Variants in SIK3 observed in about 807,000 individuals in gnomAD.
SIK3 encodes the protein SIK family kinase 3.
A neutral mutation model predicts 144.2 loss-of-function variants in SIK3; 28 were observed. That is an observed-to-expected ratio of 0.19 (90% confidence interval 0.14 to 0.27). The LOEUF is 0.27. SIK3 is among the 10% of genes least tolerant of loss of function. SIK3 has a pLI of 1.00. For missense variants in SIK3, 1,319 were observed against 1,776.0 expected, an observed-to-expected ratio of 0.74 and a Z score of 4.62; for synonymous variants, 686 against 676.3, an observed-to-expected ratio of 1.01 and a Z score of -0.22.
At chr11:117,010,963 T>C (rs895971675) in intron 1 of SIK3, among the ~76,000 whole-genome samples, 2 of 151,922 alleles carry the variant, frequency 1.3e-5, no homozygotes, top group South Asian at 4.2e-4. Context: ...CTCCAAAAGC[T>C]ACAAAAATCA....
At chr11:116,927,843 G>A (rs1947360378) in intron 3 of SIK3, among the ~76,000 whole-genome samples, 1 of 151,910 alleles carries the variant, frequency 6.6e-6, no homozygotes, top group Non-Finnish European at 1.5e-5. Flanking sequence ...CTGCTAGGGG[G>A]AGAAAACTCC....
chr11:117,075,841 T>A (rs1338043243), intron 1 of SIK3, among the ~76,000 whole-genome samples: 1 of 74,794 alleles, frequency 1.3e-5, no homozygotes, highest in Admixed American at 1.3e-4. Context: ...CAAGCCTGGC[T>A]TTTTTTTTTT....
intron 1 of SIK3, among the ~76,000 whole-genome samples, chr11:117,029,657 T>C (rs1414512086): frequency 6.6e-6 from 1 of 152,054 alleles, no homozygotes; most frequent in East Asian, 1.9e-4. Context: ...TAAAATGTAA[T>C]GATTGACCAG....
intron 6 of SIK3, among the ~76,000 whole-genome samples, chr11:116,885,981 T>C (rs1016177078): frequency 6.6e-6 from 1 of 152,254 alleles, no homozygotes; most frequent in Non-Finnish European, 1.5e-5. Context: ...TCAATAAATG[T>C]TGACTATTAT....
At chr11:116,868,162 G>A in intron 14 of SIK3, 73 bp from the exon 15 acceptor site, 1 of 1,536,650 alleles carries the variant, frequency 6.5e-7, no homozygotes, top group Non-Finnish European at 8.8e-7. Context: ...AGCATTAGAA[G>A]TTAATCCAAA....
At chr11:116,945,380 CTTTTTTTTTTT>C (rs35915801) in intron 3 of SIK3, among the ~76,000 whole-genome samples, 2 of 95,406 alleles carry the variant, frequency 2.1e-5, no homozygotes, top group African/African-American at 4.2e-5. Flanking sequence ...TTCATGAATT[CTTTTTTTTTTT>C]TTTTTTTTTT....
chr11:116,893,526 T>C (rs1945242718), intron 6 of SIK3, among the ~76,000 whole-genome samples: 1 of 149,752 alleles, frequency 6.7e-6, no homozygotes, highest in Non-Finnish European at 1.5e-5. Flanking sequence ...AAAAAAAAAA[T>C]TAGTCAGGCA....
chr11:117,043,039 C>A (rs554063755), intron 1 of SIK3, among the ~76,000 whole-genome samples: 2 of 152,144 alleles, frequency 1.3e-5, no homozygotes, highest in South Asian at 4.1e-4. Context: ...AATCTTTTTT[C>A]TTCTTTTAAA....
At chr11:116,891,413 C>T (rs909343071) in intron 6 of SIK3, among the ~76,000 whole-genome samples, 2 of 152,180 alleles carry the variant, frequency 1.3e-5, no homozygotes, top group Non-Finnish European at 1.5e-5. Flanking sequence ...CCCAGGAGTT[C>T]GAGTTCAGTC....
intron 1 of SIK3, among the ~76,000 whole-genome samples, chr11:117,052,082 C>A (rs528158972): frequency 6.6e-6 from 1 of 151,918 alleles, no homozygotes; most frequent in Non-Finnish European, 1.5e-5. Context: ...GCGGAAGTTG[C>A]AGTTTGCAAG....
Position 116,849,729 on chromosome 11 carries a change from C to CT in SIK3, c.3656-447dup, listed in dbSNP as rs1942282857. ...CTGCTACTCTCCTCTTTCTACTTCTCTAACTGCTGCTTCTGACTCCTTTGA... is the reference window on the plus strand; with the variant it reads ...CTGCTACTCTCCTCTTTCTACTTCTCTTAACTGCTGCTTCTGACTCCTTTGA... On this transcript the variant is annotated intron_variant, in intron 21 of 24. Coordinates refer to ENST00000445177, the MANE Select transcript of SIK3 (RefSeq NM_001366686.3). The surrounding 1 kb of genome is among the most constrained non-coding windows in gnomAD (Gnocchi z 4.2). Among the ~76,000 whole-genome samples the CT allele has an allele frequency of 6.6e-6, 1 of 152,150 alleles. No individual in the cohort carries two copies. The highest frequency in any genetic ancestry group is 1.5e-5 in the Non-Finnish European group (1 of 68,030).
chr11:117,048,466 G>A (rs1159621123), intron 1 of SIK3, among the ~76,000 whole-genome samples: 1 of 152,054 alleles, frequency 6.6e-6, no homozygotes, highest in African/African-American at 2.4e-5. Context: ...AGACCAGCCT[G>A]ACCAACATGG....
At chr11:117,061,117 C>T (rs1953771776) in intron 1 of SIK3, among the ~76,000 whole-genome samples, 1 of 152,048 alleles carries the variant, frequency 6.6e-6, no homozygotes, top group Non-Finnish European at 1.5e-5. Flanking sequence ...CATGGTGGCA[C>T]ACACCGGTAG....
chr11:116,855,008 C>T (rs1942765370), intron 21 of SIK3, among the ~76,000 whole-genome samples: 1 of 144,024 alleles, frequency 6.9e-6, no homozygotes, highest in Non-Finnish European at 1.5e-5. Flanking sequence ...ATCGCTTGAA[C>T]CCAGGAGGGG....
At chr11:116,921,951 G>T (rs1947004316) in intron 4 of SIK3, among the ~76,000 whole-genome samples, 1 of 151,252 alleles carries the variant, frequency 6.6e-6, no homozygotes, top group Non-Finnish European at 1.5e-5. Flanking sequence ...AGTAGACAAG[G>T]TATCACTATG....
At chr11:116,998,164 T>TAA (rs1565540427) in intron 1 of SIK3, among the ~76,000 whole-genome samples, 1 of 140,006 alleles carries the variant, frequency 7.1e-6, no homozygotes, top group African/African-American at 2.8e-5. Flanking sequence ...ATATGATAAT[T>TAA]TAAAAAAAAA....
intron 4 of SIK3, among the ~76,000 whole-genome samples, chr11:116,916,295 T>C (rs1946628250): frequency 6.6e-6 from 1 of 152,134 alleles, no homozygotes; most frequent in Non-Finnish European, 1.5e-5. Context: ...AACTGTACTT[T>C]TTGATGCTAA....
In SIK3 at chr11:116,858,540, T is replaced by A; in HGVS notation, c.2925A>T (p.Gln975His). The A allele has an allele frequency of 6.2e-7, 1 of 1,613,178 alleles. No individual in the cohort carries two copies. Among genetic ancestry groups the A allele is most frequent in the Non-Finnish European group, 8.5e-7 (1 of 1,179,706 alleles). Reference sequence around the variant, plus strand: ...GTGCACTGGGAGGGAAGGTGGGGAATTGGTCAAGTGGAGGGACTTTCAGGG... The same window carrying A: ...GTGCACTGGGAGGGAAGGTGGGGAAATGGTCAAGTGGAGGGACTTTCAGGG... ...TQALKVPPLDQFPTFPPSAHQ... is the reference protein window; with the variant it reads ...TQALKVPPLDHFPTFPPSAHQ... The change falls in exon 21 of 25, where the codon CAA becomes CAT. Residue 975 changes from glutamine (Q) to histidine (H), a missense_variant. By Grantham distance (24) the Gln-to-His change is conservative. Coordinates refer to ENST00000445177, the MANE Select transcript of SIK3 (RefSeq NM_001366686.3). This position sits in a 1 kb window ranked among gnomAD's most constrained non-coding sequence, Gnocchi z 5.4.
chr11:117,067,438 G>GA (rs975084506), intron 1 of SIK3, among the ~76,000 whole-genome samples: 5 of 152,106 alleles, frequency 3.3e-5, no homozygotes, highest in Non-Finnish European at 7.4e-5. Flanking sequence ...CATCCTAGAT[G>GA]AGGCCATTTA....
Sources: gnomAD v4.1 joint callset for allele counts (sites outside exome capture counted in the v4.1 genomes callset) on GRCh38, gnomAD v4.1.1 for gene constraint, Gnocchi (gnomAD v3.1) non-coding constraint, MANE v1.5 for transcripts, NCBI Gene and HGNC (gene_info 2026-07-23, HGNC 2026-07-21) for gene names.